ATP2B2: variants seen among roughly 807,000 people sequenced by gnomAD.
The protein encoded by ATP2B2 is ATPase plasma membrane Ca2+ transporting 2, also known as plasma membrane calcium-transporting ATPase 2.
Under a neutral mutation model 120.0 loss-of-function variants are expected in ATP2B2, and 15 were observed. That is an observed-to-expected ratio of 0.12 (90% CI 0.08 to 0.19). ATP2B2 has a LOEUF of 0.19. Ranked by LOEUF, ATP2B2 falls within the 10% of genes least tolerant of loss-of-function variation. The pLI, the probability that ATP2B2 is intolerant of heterozygous loss-of-function variation, is 1.00. For missense variants in ATP2B2, 1,045 were observed against 1,719.8 expected, an observed-to-expected ratio of 0.61 and a Z score of 6.94; for synonymous variants, 694 against 700.3, an observed-to-expected ratio of 0.99 and a Z score of 0.14.
At chr3:10,583,131 CA>C (rs940623968) in intron 2 of ATP2B2, among the ~76,000 whole-genome samples, 1 of 152,130 alleles carries the variant, frequency 6.6e-6, no homozygotes, top group African/African-American at 2.4e-5. Context: ...AACTGTTGGG[CA>C]AAAGGAGTAC....
chr3:10,579,596 G>A (rs1408630170), intron 2 of ATP2B2, among the ~76,000 whole-genome samples: 1 of 152,158 alleles, frequency 6.6e-6, no homozygotes, highest in Non-Finnish European at 1.5e-5. Context: ...AGCACCTGAG[G>A]TCAGGAGTTC....
intron 9 of ATP2B2, among the ~76,000 whole-genome samples, 198 bp downstream of exon 9, chr3:10,379,045 C>T (rs1019121879): frequency 6.6e-6 from 1 of 152,180 alleles, no homozygotes; most frequent in Non-Finnish European, 1.5e-5. Flanking sequence ...ATGGGTATCC[C>T]CCTCCTCACC....
chr3:10,686,572 C>T (rs1017658453), intron 1 of ATP2B2, among the ~76,000 whole-genome samples: 10 of 151,658 alleles, frequency 6.6e-5, no homozygotes, highest in East Asian at 1.9e-4. Flanking sequence ...GAGAATGGCA[C>T]GAACCCAGGA....
At chr3:10,372,709 G>T (rs2061277222) in intron 11 of ATP2B2, among the ~76,000 whole-genome samples, 2 of 152,002 alleles carry the variant, frequency 1.3e-5, no homozygotes, top group South Asian at 4.2e-4. Context: ...CCAGAACTAG[G>T]TACATCTTGT....
Position 10,342,791 on chromosome 3 carries a change from C to T in ATP2B2, c.2878G>A (p.Val960Ile), listed in dbSNP as rs2060318011. Reference sequence around the variant, plus strand: ...GTGAAGATGAGGGCAAGCTGGTAGACAGCATGGCCCAGGATGTTCTTCATC... The same window carrying T: ...GTGAAGATGAGGGCAAGCTGGTAGATAGCATGGCCCAGGATGTTCTTCATC... ...TMMKNILGHA[V>I]YQLALIFTLL... The change falls in exon 19 of 23, where the codon GTC becomes ATC. Residue 960 changes from valine (V) to isoleucine (I), a missense_variant. Val to Ile is a conservative substitution (Grantham distance 29, BLOSUM62 3). Around this residue, in one of 11 missense-constraint regions of ATP2B2, gnomAD observed 98 missense variants for 266.7 expected, o/e 0.37. Transcript: ENST00000360273. This position sits in a 1 kb window ranked among gnomAD's most constrained non-coding sequence, Gnocchi z 4.4. 1 of 1,614,166 alleles carries T rather than the reference C, an allele frequency of 6.2e-7. No individual in the cohort carries two copies.
intron 1 of ATP2B2, among the ~76,000 whole-genome samples, chr3:10,479,742 AG>A (rs1299831730): frequency 2.0e-5 from 3 of 152,148 alleles, no homozygotes; most frequent in Non-Finnish European, 4.4e-5. Context: ...ATTATCTGCA[AG>A]TAGTTCAAGG....
chr3:10,394,722 C>G (rs1051556679), intron 5 of ATP2B2, among the ~76,000 whole-genome samples: 1 of 151,324 alleles, frequency 6.6e-6, no homozygotes, highest in Non-Finnish European at 1.5e-5. Context: ...GAGGGTTTAC[C>G]GATGTCCTGC....
At chr3:10,692,242 C>T (rs1292770509) in intron 1 of ATP2B2, among the ~76,000 whole-genome samples, 1 of 152,234 alleles carries the variant, frequency 6.6e-6, no homozygotes, top group Non-Finnish European at 1.5e-5. Flanking sequence ...AGAGTTAACA[C>T]ATAGATGCAG....
At chr3:10,473,532 T>C (rs929664803) in intron 1 of ATP2B2, among the ~76,000 whole-genome samples, 3 of 152,216 alleles carry the variant, frequency 2.0e-5, no homozygotes, top group African/African-American at 7.2e-5. Context: ...CTCAGGAGGC[T>C]GAGGCACGAG....
intron 1 of ATP2B2, among the ~76,000 whole-genome samples, chr3:10,693,045 C>T (rs2071692609): frequency 6.6e-6 from 1 of 152,132 alleles, no homozygotes; most frequent in South Asian, 2.1e-4. Context: ...CATTTTCTTC[C>T]AGACAGGATT....
intron 2 of ATP2B2, among the ~76,000 whole-genome samples, chr3:10,584,639 C>T (rs1368202449): frequency 6.6e-6 from 1 of 152,216 alleles, no homozygotes; most frequent in African/African-American, 2.4e-5. Context: ...CTCCCAGCCA[C>T]TGCTTGCAGA....
chr3:10,628,972 C>T (rs992990854), intron 1 of ATP2B2, among the ~76,000 whole-genome samples: 1 of 152,196 alleles, frequency 6.6e-6, no homozygotes, highest in Non-Finnish European at 1.5e-5. Context: ...TAATATCTAT[C>T]GTTGGCTCAT....
intron 2 of ATP2B2, among the ~76,000 whole-genome samples, chr3:10,440,162 G>C (rs2063615818): frequency 6.6e-6 from 1 of 150,716 alleles, no homozygotes; most frequent in Admixed American, 6.6e-5. Context: ...CATGGTGGTG[G>C]GTGAGAAGCC....
chr3:10,410,553 G>A (rs1182449305), intron 3 of ATP2B2, 65 bp downstream of exon 3: 3 of 1,498,770 alleles, frequency 2.0e-6, no homozygotes, highest in Non-Finnish European at 1.8e-6. Context: ...AGCCGTGAGT[G>A]CCCCCCAGCG....
intron 7 of ATP2B2, 130 bp from the exon 8 acceptor site, chr3:10,385,457 ACCAAG>A: frequency 1.3e-6 from 1 of 779,048 alleles, no homozygotes; most frequent in Non-Finnish European, 2.1e-6. Context: ...TCCTTTGGAA[ACCAAG>A]AAACTCAAAT....
intron 14 of ATP2B2, among the ~76,000 whole-genome samples, chr3:10,358,245 G>A (rs553912892): frequency 6.6e-6 from 1 of 152,342 alleles, no homozygotes; most frequent in South Asian, 2.1e-4. Flanking sequence ...ACCACACTTC[G>A]GGTTCTCCTG....
In ATP2B2 at chr3:10,378,344, G is replaced by A. The variant is rs1559253285; in HGVS notation, c.1109C>T (p.Ala370Val). ...CATGCTGGCCTTCTTCCTGTCGTCA[G>A]CGTCGCCGCCCTCGGCACTCTTGAG... ...QPLKSAEGGD[A>V]DDRKKASMHK... Residue 370 changes from alanine (A) to valine (V), a missense_variant, in exon 10 of 23, where the codon GCT (alanine) becomes GTT (valine). Physicochemically the swap from Ala to Val is moderately conservative, Grantham distance 64 (BLOSUM62 0). Transcript: ENST00000360273. 6.2e-7 allele frequency: 1 copy of A among 1,607,864 alleles called. No individual in the cohort carries two copies. The highest frequency in any genetic ancestry group is 8.5e-7 in the Non-Finnish European group (1 of 1,180,020).
At chr3:10,361,182 T>C (rs1020446255) in intron 12 of ATP2B2, among the ~76,000 whole-genome samples, 3 of 152,196 alleles carry the variant, frequency 2.0e-5, no homozygotes, top group African/African-American at 7.2e-5. Context: ...GAAACTGCTA[T>C]TTTTGAATGT....
chr3:10,471,204 G>A (rs549206459), intron 1 of ATP2B2, among the ~76,000 whole-genome samples: 3 of 152,302 alleles, frequency 2.0e-5, no homozygotes, highest in East Asian at 1.9e-4. Context: ...TCTCCAGCGC[G>A]CGGCTGTGAG....
Sources: allele counts gnomAD v4.1 joint callset (sites outside exome capture counted in the v4.1 genomes callset), GRCh38; gene constraint gnomAD v4.1.1; regional missense constraint gnomAD v4.1.1; non-coding constraint Gnocchi (gnomAD v3.1); transcripts MANE v1.5; gene names NCBI Gene and HGNC (gene_info 2026-07-23, HGNC 2026-07-21).